The following GCN1 variants were observed in gnomAD, a reference collection of about 807,000 sequenced individuals.
GCN1 encodes stalled ribosome sensor GCN1.
A neutral mutation model predicts 288.4 loss-of-function variants in GCN1; 90 were observed. That is an observed-to-expected ratio of 0.31 (90% CI 0.26 to 0.37). The LOEUF is 0.37. GCN1 is among the 10% of genes least tolerant of loss of function. The pLI is 1.00. For synonymous variants in GCN1, 1,386 were observed against 1,420.2 expected (o/e 0.98, Z 0.54); for missense variants, 2,586 against 3,419.9 (o/e 0.76, Z 6.08).
intron 18 of GCN1, 151 bp from the exon 19 acceptor site, chr12:120,163,410 G>T: frequency 1.6e-6 from 1 of 635,366 alleles, no homozygotes; most frequent in Middle Eastern, 3.2e-4. Flanking sequence ...TTCCTGCAAT[G>T]GGACCCACAG....
At chr12:120,140,688 C>T (rs543540648) in intron 45 of GCN1, among the ~76,000 whole-genome samples, 171 bp downstream of exon 45, 6 of 152,204 alleles carry the variant, frequency 3.9e-5, no homozygotes, top group South Asian at 2.1e-4. Context: ...GCTGAGAAGA[C>T]GGAGCCTCAA....
chr12:120,147,518 C>T (rs1274691726), intron 37 of GCN1, among the ~76,000 whole-genome samples: 1 of 152,188 alleles, frequency 6.6e-6, no homozygotes. Flanking sequence ...CAGGCATGAG[C>T]CACAGAAATA....
intron 16 of GCN1, among the ~76,000 whole-genome samples, chr12:120,166,681 G>T (rs1404131109): frequency 1.3e-5 from 2 of 149,880 alleles, no homozygotes; most frequent in East Asian, 2.0e-4. Context: ...TCCAGCCTGG[G>T]CGACAGAGCG....
rs58514835 is a variant in GCN1 at position 120,155,511 on chromosome 12, G to A, written c.3440+81C>T. On this transcript the variant is annotated intron_variant, in intron 29 of 57. Transcript: ENST00000300648. This position sits in a 1 kb window ranked among gnomAD's most constrained non-coding sequence, Gnocchi z 4.9. The stretch of plus-strand genomic sequence containing the variant: ...GCCAGCCCAGCCCTTCTTCCCACTG[G>A]AGGCTGAGCACACTGGGTTCAGTTA... The A allele has an allele frequency of 2.9e-4, 463 of 1,598,680 alleles. No individual in the cohort carries two copies. The African/African-American group carries it at 5.5e-3, about 19-fold the overall frequency.
Position 120,156,869 on chromosome 12 carries a change from C to A in GCN1, c.3168+43G>T. ...TTACACTGGGACTTGAGGTCTGGGTCACGAACTGAGTCACAGCAACAGCCA... is the reference window on the plus strand; with the variant it reads ...TTACACTGGGACTTGAGGTCTGGGTAACGAACTGAGTCACAGCAACAGCCA... On this transcript the variant is annotated intron_variant, in intron 27 of 57. Transcript: ENST00000300648. This position sits in a 1 kb window ranked among gnomAD's most constrained non-coding sequence, Gnocchi z 5.8. 3 of 1,335,174 alleles carry A rather than the reference C, an allele frequency of 2.2e-6. No individual in the cohort carries two copies. In the South Asian group the frequency reaches 3.5e-5, roughly 16 times the overall value. 82.7% of individuals were successfully genotyped at this position (1,335,174 alleles called of 1,614,324 possible).
At chr12:120,140,762 A>AC in intron 45 of GCN1, 97 bp downstream of exon 45, 6 of 1,192,036 alleles carry the variant, frequency 5.0e-6, no homozygotes, top group South Asian at 1.5e-5. Context: ...GGCAGCACAA[A>AC]CCCCCTAGAG....
In GCN1 at chr12:120,142,237, A is replaced by C. The variant is rs573042766; in HGVS notation, c.5829+270T>G. Among the ~76,000 whole-genome samples the C allele has an allele frequency of 1.3e-5, 2 of 152,154 alleles. No individual in the cohort carries two copies. The highest frequency in any genetic ancestry group is 2.9e-5 in the Non-Finnish European group (2 of 68,016). On this transcript the variant is annotated intron_variant, in intron 44 of 57. Coordinates refer to ENST00000300648, the MANE Select transcript of GCN1 (RefSeq NM_006836.2). This position sits in a 1 kb window ranked among gnomAD's most constrained non-coding sequence, Gnocchi z 4.9. The stretch of plus-strand genomic sequence containing the variant: ...GCTACTCGGGAGGCTGAGGCAGGAG[A>C]ATGGCATGAACCTAGGAGGCGGAGC...
In GCN1 at chr12:120,138,700, G is replaced by T. The variant is rs1877090513; in HGVS notation, c.6151C>A (p.Gln2051Lys). The T allele has an allele frequency of 6.2e-7, 1 of 1,613,364 alleles. No homozygotes were observed. Among genetic ancestry groups the T allele is most frequent in the East Asian group, 2.2e-5 (1 of 44,862 alleles). Reference protein sequence around the residue: ...LEDILPFLLKQLDDEEVSEFA... With the variant: ...LEDILPFLLKKLDDEEVSEFA... ...TGTGTGGTAGATCCACTCACCAGCT[G>T]CTTTAGTAAAAATGGGAGAATGTCC... The change falls in exon 46 of 58, where the codon CAG becomes AAG. Residue 2051 changes from glutamine to lysine, a missense_variant. Transcript: ENST00000300648.
intron 5 of GCN1, among the ~76,000 whole-genome samples, chr12:120,180,264 C>T (rs1189092357): frequency 6.6e-6 from 1 of 151,986 alleles, no homozygotes; most frequent in East Asian, 1.9e-4. Flanking sequence ...GCAGAGGTTG[C>T]GGTGAGCCGA....
intron 3 of GCN1, 83 bp downstream of exon 3, chr12:120,184,741 C>T: frequency 9.8e-7 from 1 of 1,021,860 alleles, no homozygotes; most frequent in Non-Finnish European, 1.5e-6. Flanking sequence ...GGCAGTCTGG[C>T]TCTAATCTGG....
chr12:120,162,051 A>G lies in GCN1; in HGVS notation c.2171T>C (p.Met724Thr). ...TTQSPLNQSS[M>T]NAMGSLSVLS... ...GACGGAAAGGGAGCCCATGGCATTC[A>G]TGGAGGACTGCCAGACAAACGCAGA... The change falls in exon 21 of 58, where the codon ATG (methionine) becomes ACG (threonine). Residue 724 changes from methionine (M) to threonine (T), a missense_variant. Coordinates refer to ENST00000300648, the MANE Select transcript of GCN1 (RefSeq NM_006836.2). 1 of 1,612,426 alleles carries G rather than the reference A, an allele frequency of 6.2e-7. No homozygotes were observed. Among genetic ancestry groups the G allele is most frequent in the Non-Finnish European group, 8.5e-7 (1 of 1,179,968 alleles).
intron 46 of GCN1, 102 bp downstream of exon 46, chr12:120,138,593 C>T (rs1001487368): frequency 5.1e-5 from 63 of 1,238,968 alleles, no homozygotes; most frequent in Non-Finnish European, 7.0e-5. Context: ...CTCTGGAGGG[C>T]CCACATTGCG....
At chr12:120,131,091 T>A in intron 55 of GCN1, 94 bp downstream of exon 55, 3 of 1,131,876 alleles carry the variant, frequency 2.7e-6, no homozygotes, top group Non-Finnish European at 3.9e-6. Context: ...CCAAGCTTCT[T>A]AAGCCCCAGT....
chr12:120,159,258 T>G (rs1877852224), intron 24 of GCN1, among the ~76,000 whole-genome samples: 1 of 152,112 alleles, frequency 6.6e-6, no homozygotes, highest in African/African-American at 2.4e-5. Flanking sequence ...TCTGGCAGGT[T>G]TCATATGCAC....
In GCN1 at chr12:120,144,653, G is replaced by A; in HGVS notation, c.5338C>T (p.Pro1780Ser). Residue 1780 changes from proline to serine, a missense_variant, in exon 41 of 58, where the codon CCC (proline) becomes TCC (serine). Coordinates refer to ENST00000300648, the MANE Select transcript of GCN1 (RefSeq NM_006836.2). The surrounding 1 kb of genome is among the most constrained non-coding windows in gnomAD (Gnocchi z 4.7). ...KFTPYVGPII[P>S]CILKALADEN... ...ATGGTACCTACTTTGAGGATACAGG[G>A]GATGATGGGCCCCACATAAGGAGTA... 1 of 1,613,784 alleles carries A rather than the reference G, an allele frequency of 6.2e-7. No individual in the cohort carries two copies. Among genetic ancestry groups the A allele is most frequent in the Non-Finnish European group, 8.5e-7 (1 of 1,179,636 alleles).
At chr12:120,191,872 T>G (rs1879013112) in intron 1 of GCN1, among the ~76,000 whole-genome samples, 1 of 152,122 alleles carries the variant, frequency 6.6e-6, no homozygotes. Context: ...AATATGGAGG[T>G]AACTTGCATG....
chr12:120,156,678 T>G lies in GCN1; in HGVS notation c.3169-74A>C, dbSNP rs1877759183. 3 of 1,453,748 alleles carry G rather than the reference T, an allele frequency of 2.1e-6. No homozygotes were observed. Among genetic ancestry groups the G allele is most frequent in the Admixed American group, 3.5e-5 (2 of 57,168 alleles). 90.1% of individuals were successfully genotyped at this position (1,453,748 alleles called of 1,614,324 possible). ...TAGGGGGCCAGAGAGGGATATGCAC[T>G]GAGAACACCCACCCCTACAGCACTG... On this transcript the variant is annotated intron_variant, in intron 27 of 57. Transcript: ENST00000300648. This position sits in a 1 kb window ranked among gnomAD's most constrained non-coding sequence, Gnocchi z 5.8.
intron 38 of GCN1, 110 bp from the exon 39 acceptor site, chr12:120,145,440 G>A (rs1334608445): frequency 6.6e-6 from 5 of 757,200 alleles, no homozygotes; most frequent in Non-Finnish European, 1.0e-5. Context: ...GTGCTTGGCA[G>A]GGGCACCTAG....
At chr12:120,189,721 G>C (rs910029550) in intron 2 of GCN1, among the ~76,000 whole-genome samples, 1 of 151,968 alleles carries the variant, frequency 6.6e-6, no homozygotes, top group Non-Finnish European at 1.5e-5. Flanking sequence ...GCTCGTGCCT[G>C]TAACCCCGGC....
Sources: gnomAD v4.1 joint callset for allele counts (sites outside exome capture counted in the v4.1 genomes callset) on GRCh38, gnomAD v4.1.1 for gene constraint, Gnocchi (gnomAD v3.1) non-coding constraint, MANE v1.5 for transcripts, NCBI Gene and HGNC (gene_info 2026-07-23, HGNC 2026-07-21) for gene names.